RBFOX1: variants seen among roughly 807,000 people sequenced by gnomAD.
The protein encoded by RBFOX1 is RNA binding protein fox-1 homolog 1.
A neutral mutation model predicts 57.7 loss-of-function variants in RBFOX1; 8 were observed. The observed-to-expected ratio is 0.14, with a 90% CI of 0.08 to 0.25. The LOEUF (loss-of-function observed/expected upper bound fraction) is 0.25, where lower values mean the gene tolerates loss of function less well. Among genes scored for constraint, RBFOX1 ranks in the 10% least tolerant of loss-of-function variants. RBFOX1 has a pLI of 1.00. For missense variants in RBFOX1, 611 were observed against 548.5 expected (o/e 1.11, Z -1.14); for synonymous variants, 326 against 222.4 (o/e 1.47, Z -4.15).
intron 3 of RBFOX1, among the ~76,000 whole-genome samples, chr16:5,834,256 C>A (rs1441795757): frequency 2.6e-5 from 4 of 152,120 alleles, no homozygotes; most frequent in Admixed American, 2.6e-4. Flanking sequence ...GGTAGTTTTT[C>A]ATGCCCCCTT....
intron 1 of RBFOX1, among the ~76,000 whole-genome samples, chr16:5,354,977 T>G (rs1280763873): frequency 1.3e-5 from 2 of 149,202 alleles, no homozygotes; most frequent in Non-Finnish European, 3.0e-5. Flanking sequence ...CAGCAGAGGT[T>G]GGAAGGGGTG....
chr16:6,059,919 T>C (rs1457430235), intron 1 of RBFOX1, among the ~76,000 whole-genome samples: 2 of 152,102 alleles, frequency 1.3e-5, no homozygotes, highest in Non-Finnish European at 2.9e-5. Context: ...ATGCAGCAAG[T>C]ATAAAATTAT....
At chr16:5,839,567 G>A (rs2056563520) in intron 3 of RBFOX1, among the ~76,000 whole-genome samples, 1 of 152,168 alleles carries the variant, frequency 6.6e-6, no homozygotes. Flanking sequence ...CTGGCCATCA[G>A]AGGCTTCTTA....
chr16:6,233,169 G>A (rs2097478583), intron 1 of RBFOX1, among the ~76,000 whole-genome samples: 2 of 152,170 alleles, frequency 1.3e-5, no homozygotes, highest in African/African-American at 4.8e-5. Flanking sequence ...GTTATGTATT[G>A]TGATTGGGTT....
intron 4 of RBFOX1, among the ~76,000 whole-genome samples, chr16:7,192,510 T>C (rs1206742208): frequency 5.3e-5 from 8 of 152,148 alleles, no homozygotes; most frequent in Admixed American, 2.6e-4. Flanking sequence ...TGAATAAATA[T>C]TGAGGTACTG....
At chr16:5,989,288 G>A (rs138582605) in intron 4 of RBFOX1, among the ~76,000 whole-genome samples, 2,766 of 152,066 alleles carry the variant, frequency 0.018, 53 homozygotes, top group South Asian at 0.093. Context: ...CCGAGATGGC[G>A]CCACTGCACT....
At chr16:5,755,948 T>G (rs1317452598) in intron 3 of RBFOX1, among the ~76,000 whole-genome samples, 1 of 151,908 alleles carries the variant, frequency 6.6e-6, no homozygotes, top group Non-Finnish European at 1.5e-5. Flanking sequence ...AAGTAGGAGA[T>G]GAAGTAAAGG....
chr16:5,268,460 A>G (rs188793266), intron 1 of RBFOX1, among the ~76,000 whole-genome samples: 1 of 152,382 alleles, frequency 6.6e-6, no homozygotes. Context: ...TAAAAAATCT[A>G]GTACAGTCAA....
intron 3 of RBFOX1, among the ~76,000 whole-genome samples, chr16:6,985,740 A>G (rs994777291): frequency 6.7e-6 from 1 of 148,702 alleles, no homozygotes; most frequent in African/African-American, 2.5e-5. Flanking sequence ...AGGCTGAGGC[A>G]TAAGAATTGC....
At chr16:6,367,763 A>T (rs1600181600) in intron 2 of RBFOX1, among the ~76,000 whole-genome samples, 1 of 151,256 alleles carries the variant, frequency 6.6e-6, no homozygotes, top group African/African-American at 2.4e-5. Context: ...AAAAAAAAAA[A>T]TAGGGAAAAT....
intron 4 of RBFOX1, among the ~76,000 whole-genome samples, chr16:7,365,571 C>T (rs1279010963): frequency 2.0e-5 from 3 of 152,268 alleles, no homozygotes; most frequent in Middle Eastern, 3.4e-3. Flanking sequence ...CTGACATCTA[C>T]GGGATAGAGG....
chr16:6,913,566 AAGG>A (rs2072286184), intron 3 of RBFOX1, among the ~76,000 whole-genome samples: 2 of 152,058 alleles, frequency 1.3e-5, no homozygotes, highest in Middle Eastern at 3.2e-3. Flanking sequence ...GTGTCTTTTG[AAGG>A]AGAAGTTATA....
intron 3 of RBFOX1, among the ~76,000 whole-genome samples, chr16:7,029,137 TA>T (rs2042014032): frequency 1.0e-4 from 10 of 97,852 alleles, no homozygotes; most frequent in Admixed American, 9.0e-4. Context: ...CGTATATATA[TA>T]TGTGTATATA....
chr16:7,276,997 A>G (rs577410259), intron 4 of RBFOX1, among the ~76,000 whole-genome samples: 1 of 152,354 alleles, frequency 6.6e-6, no homozygotes. Flanking sequence ...TAGATGGTAT[A>G]ACTTTGCGTC....
At chr16:6,524,482 TC>T (rs1251473822) in intron 2 of RBFOX1, among the ~76,000 whole-genome samples, 4 of 152,194 alleles carry the variant, frequency 2.6e-5, no homozygotes, top group African/African-American at 2.4e-5. Flanking sequence ...GTGTTTGTCT[TC>T]CATGTTACCT....
At chr16:6,977,048 A>C (rs1347496010) in intron 3 of RBFOX1, among the ~76,000 whole-genome samples, 2 of 141,748 alleles carry the variant, frequency 1.4e-5, no homozygotes, top group Non-Finnish European at 3.1e-5. Flanking sequence ...TATATATCAT[A>C]TATCATGTAT....
chr16:5,531,223 C>T (rs866148674), intron 2 of RBFOX1, among the ~76,000 whole-genome samples: 2 of 152,106 alleles, frequency 1.3e-5, no homozygotes, highest in Non-Finnish European at 2.9e-5. Context: ...GTCAGCCCAC[C>T]TCAGGCACTC....
At chr16:6,366,888 C>T (rs546485919) in intron 2 of RBFOX1, among the ~76,000 whole-genome samples, 8 of 152,332 alleles carry the variant, frequency 5.3e-5, no homozygotes, top group South Asian at 2.1e-4. Flanking sequence ...TATTGGGTCT[C>T]ATTATTGCAT....
At chr16:6,514,519 G>A (rs1290252050) in intron 2 of RBFOX1, among the ~76,000 whole-genome samples, 2 of 152,116 alleles carry the variant, frequency 1.3e-5, no homozygotes, top group African/African-American at 2.4e-5. Flanking sequence ...TCTTTTATTT[G>A]TGTTTCAATG....
Sources: allele counts gnomAD v4.1 joint callset (sites outside exome capture counted in the v4.1 genomes callset), GRCh38; gene constraint gnomAD v4.1.1; transcripts MANE v1.5; gene names NCBI Gene and HGNC (gene_info 2026-07-23, HGNC 2026-07-21).